The following PDE4D variants were observed in gnomAD, a reference collection of about 807,000 sequenced individuals.
PDE4D encodes 3',5'-cyclic-AMP phosphodiesterase 4D.
A neutral mutation model predicts 87.4 loss-of-function variants in PDE4D; 24 were observed. The ratio of observed to expected loss-of-function variants is 0.27; its 90% CI spans 0.20 to 0.39. The LOEUF is 0.39. Among genes scored for constraint, PDE4D ranks in the 10% least tolerant of loss-of-function variants. PDE4D has a pLI of 1.00. For synonymous variants in PDE4D, 384 were observed against 383.2 expected, an observed-to-expected ratio of 1.00 and a Z score of -0.02; for missense variants, 714 against 1,041.0, an observed-to-expected ratio of 0.69 and a Z score of 4.32.
chr5:60,172,197 A>G (rs1209780761), intron 2 of PDE4D, among the ~76,000 whole-genome samples: 2 of 149,408 alleles, frequency 1.3e-5, no homozygotes, highest in East Asian at 3.9e-4. Context: ...TGATCACAGA[A>G]TATTGCATCA....
intron 6 of PDE4D, among the ~76,000 whole-genome samples, chr5:59,038,128 A>C (rs899489645): frequency 6.6e-6 from 1 of 152,182 alleles, no homozygotes; most frequent in Admixed American, 6.5e-5. Context: ...AAAACTGAAA[A>C]CACTATACCT....
chr5:59,894,624 C>T (rs946267442), upstream of PDE4D, among the ~76,000 whole-genome samples: 4 of 152,198 alleles, frequency 2.6e-5, no homozygotes, highest in African/African-American at 9.7e-5. Flanking sequence ...GGTTAAGGCA[C>T]CTTTTCAATT....
In PDE4D at chr5:59,850,735, C is replaced by T. The variant is rs532921734; in HGVS notation, c.455+42433G>A. On this transcript the variant is annotated intron_variant, in intron 1 of 14. Transcript: ENST00000340635. ...GGGAGGAGTCATGGCTTTAAGGAGG[C>T]TATTTGAAGCGTTTTGAAAGGGATG... Among the ~76,000 whole-genome samples the T allele has an allele frequency of 5.3e-5, 8 of 151,924 alleles. No individual in the cohort carries two copies. In the East Asian group the frequency reaches 1.6e-3, roughly 30 times the overall value.
chr5:59,983,745 G>A (rs1007952936), intron 3 of PDE4D, among the ~76,000 whole-genome samples: 5 of 152,130 alleles, frequency 3.3e-5, no homozygotes, highest in African/African-American at 9.7e-5. Flanking sequence ...TACCTACTAC[G>A]TATTGCTGGT....
chr5:59,159,134 T>C (rs925624768), intron 5 of PDE4D, among the ~76,000 whole-genome samples: 5 of 152,284 alleles, frequency 3.3e-5, no homozygotes, highest in African/African-American at 1.2e-4. Context: ...ATTCTTACGA[T>C]ACTCTGTGGT....
chr5:59,585,223 C>T (rs968476677), intron 1 of PDE4D, among the ~76,000 whole-genome samples: 38 of 152,140 alleles, frequency 2.5e-4, no homozygotes, highest in African/African-American at 9.2e-4. Flanking sequence ...GGAGAGGATG[C>T]CTCCCATCCT....
chr5:60,080,912 G>T (rs184531912), intron 2 of PDE4D, among the ~76,000 whole-genome samples: 1 of 152,228 alleles, frequency 6.6e-6, no homozygotes, highest in African/African-American at 2.4e-5. Context: ...TTAGGGAGGA[G>T]TCCCTCCTTT....
chr5:60,235,793 T>G (rs958941915), intron 1 of PDE4D, among the ~76,000 whole-genome samples: 1 of 151,920 alleles, frequency 6.6e-6, no homozygotes, highest in Admixed American at 6.6e-5. Context: ...AAATGCCTCC[T>G]TATTACGTTA....
intron 1 of PDE4D, among the ~76,000 whole-genome samples, chr5:60,423,967 C>T (rs1201808481): frequency 3.9e-5 from 6 of 152,146 alleles, no homozygotes; most frequent in Non-Finnish European, 8.8e-5. Context: ...GACACATACA[C>T]CCTCCCAAGA....
At chr5:59,678,145 A>G (rs541581076) in intron 1 of PDE4D, among the ~76,000 whole-genome samples, 2 of 152,326 alleles carry the variant, frequency 1.3e-5, no homozygotes, top group South Asian at 4.1e-4. Context: ...AGAGTAAAAA[A>G]AAATGTCTTG....
chr5:60,401,465 T>C (rs1247815092), intron 1 of PDE4D, among the ~76,000 whole-genome samples: 1 of 152,222 alleles, frequency 6.6e-6, no homozygotes, highest in Non-Finnish European at 1.5e-5. Flanking sequence ...CACACATCTC[T>C]GGAGTGTGCA....
At chr5:59,219,137 A>G (rs1386227555) in intron 1 of PDE4D, among the ~76,000 whole-genome samples, 3 of 151,014 alleles carry the variant, frequency 2.0e-5, no homozygotes, top group African/African-American at 7.3e-5. Context: ...TGGCACATGT[A>G]TACATATGTA....
intron 6 of PDE4D, among the ~76,000 whole-genome samples, chr5:59,026,560 G>A (rs1189570187): frequency 2.6e-5 from 4 of 152,114 alleles, no homozygotes; most frequent in East Asian, 1.9e-4. Context: ...TAAAAACACC[G>A]TAGAAGACCT....
intron 1 of PDE4D, among the ~76,000 whole-genome samples, chr5:59,460,256 A>T (rs1333806415): frequency 1.3e-5 from 2 of 152,216 alleles, no homozygotes; most frequent in African/African-American, 2.4e-5. Context: ...TTACTGTGAA[A>T]GTATTTTAAT....
intron 1 of PDE4D, among the ~76,000 whole-genome samples, chr5:59,864,773 A>G (rs1746773289): frequency 6.6e-6 from 1 of 152,178 alleles, no homozygotes; most frequent in Non-Finnish European, 1.5e-5. Flanking sequence ...GATAACGATT[A>G]CAGACATGCC....
intron 2 of PDE4D, among the ~76,000 whole-genome samples, chr5:60,050,316 A>G (rs1466048378): frequency 1.3e-5 from 2 of 151,778 alleles, no homozygotes; most frequent in Non-Finnish European, 2.9e-5. Context: ...TGCAGAAATC[A>G]CCCGTCTTCT....
chr5:59,032,771 G>A (rs1757800888), intron 6 of PDE4D, among the ~76,000 whole-genome samples: 1 of 152,148 alleles, frequency 6.6e-6, no homozygotes, highest in Admixed American at 6.5e-5. Flanking sequence ...CCCAGTGTGT[G>A]CTAATGCACC....
intron 1 of PDE4D, among the ~76,000 whole-genome samples, chr5:60,223,645 C>A (rs1266698912): frequency 6.6e-6 from 1 of 152,052 alleles, no homozygotes; most frequent in Non-Finnish European, 1.5e-5. Flanking sequence ...AAACCATTCC[C>A]ACTGTAAAAG....
chr5:59,186,831 G>A (rs1004569277), intron 3 of PDE4D, among the ~76,000 whole-genome samples: 4 of 152,180 alleles, frequency 2.6e-5, no homozygotes, highest in African/African-American at 7.2e-5. Context: ...CTATGATGGA[G>A]TATTCAAATG....
Sources: allele counts gnomAD v4.1 joint callset (sites outside exome capture counted in the v4.1 genomes callset), GRCh38; gene constraint gnomAD v4.1.1; transcripts MANE v1.5; gene names NCBI Gene and HGNC (gene_info 2026-07-23, HGNC 2026-07-21).